The following VAC14 variants were observed in gnomAD, a reference collection of about 807,000 sequenced individuals.
VAC14 encodes the protein protein VAC14 homolog.
In VAC14, 47 loss-of-function variants were observed where a neutral mutation model predicts 85.3. That is an observed-to-expected ratio of 0.55 (90% CI 0.44 to 0.70). VAC14 has a LOEUF of 0.70. Ranked by LOEUF, VAC14 falls within the 30% of genes least tolerant of loss-of-function variation. The probability of loss-of-function intolerance (pLI) is 0.00; values close to 1 mark genes in which losing one functional copy is unlikely to be tolerated. For missense variants in VAC14, 861 were observed against 1,004.3 expected (o/e 0.86, Z 1.93); for synonymous variants, 447 against 430.5 (o/e 1.04, Z -0.47).
intron 13 of VAC14, among the ~76,000 whole-genome samples, chr16:70,739,779 T>C (rs1380403791): frequency 6.6e-6 from 1 of 152,234 alleles, no homozygotes; most frequent in Non-Finnish European, 1.5e-5. Context: ...TCTGGCTTTC[T>C]GCTAGAACTT....
In VAC14 at chr16:70,762,398, G is replaced by C. The variant is rs1003694849; in HGVS notation, c.1371+142C>G. 2 of 869,898 alleles carry C rather than the reference G, an allele frequency of 2.3e-6. No individual in the cohort carries two copies. The highest frequency in any genetic ancestry group is 2.8e-5 in the East Asian group (1 of 35,800). 53.9% of individuals were successfully genotyped at this position (869,898 alleles called of 1,614,324 possible). A position where few individuals can be genotyped will look rare whatever the true frequency, so the allele number is the denominator to read the frequency against. ...GCTGGAAAAACAGGTGTGAGCCACT[G>C]CACCTGGCCCCAAAGTGAGTATTAA... On this transcript the variant is annotated intron_variant, in intron 12 of 18. Coordinates refer to ENST00000261776, the MANE Select transcript of VAC14 (RefSeq NM_018052.5). This position sits in a 1 kb window ranked among gnomAD's most constrained non-coding sequence, Gnocchi z 4.1.
At chr16:70,769,826 C>G (rs1203045576) in intron 10 of VAC14, 2 of 152,282 alleles carry the variant, frequency 1.3e-5, no homozygotes, top group Non-Finnish European at 2.9e-5. Context: ...TCTCCTAGAC[C>G]TCCCCGACCT....
intron 12 of VAC14, among the ~76,000 whole-genome samples, chr16:70,753,011 G>GGT (rs372860764): frequency 0.087 from 12,400 of 142,940 alleles, 839 homozygotes; most frequent in African/African-American, 0.19. Context: ...AGGAGGAGGG[G>GGT]GTGTGTGTGT....
At chr16:70,696,779 G>A (rs924926439) in intron 16 of VAC14, 1 of 286,218 alleles carries the variant, frequency 3.5e-6, no homozygotes, top group African/African-American at 2.2e-5. Flanking sequence ...AATGAGCAGA[G>A]GGCAGCCACC....
chr16:70,797,262 T>G (rs1371409320), intron 1 of VAC14, among the ~76,000 whole-genome samples: 1 of 152,104 alleles, frequency 6.6e-6, no homozygotes. Flanking sequence ...CCAGTGATGA[T>G]CCGGGTAAGT....
chr16:70,722,205 G>C lies in VAC14; in HGVS notation c.1661+9290C>G, dbSNP rs1014146710. Among the ~76,000 whole-genome samples, 5 of 152,334 alleles carry C rather than the reference G, an allele frequency of 3.3e-5. No homozygotes were observed. In the East Asian group the frequency reaches 9.6e-4, roughly 29 times the overall value. ...CACTCAGATCCCAAGAGCCGCTTTG[G>C]TGGCCATCCCCGCCTGGGCTATGAA... On this transcript the variant is annotated intron_variant, in intron 14 of 18. Transcript: ENST00000261776.
intron 14 of VAC14, among the ~76,000 whole-genome samples, chr16:70,730,006 G>A (rs1251264095): frequency 2.0e-5 from 3 of 151,706 alleles, no homozygotes; most frequent in Non-Finnish European, 4.4e-5. Flanking sequence ...CTCTTCCGGG[G>A]CTCCCACCTC....
At chr16:70,742,464 C>A (rs558230074) in intron 13 of VAC14, among the ~76,000 whole-genome samples, 3 of 152,360 alleles carry the variant, frequency 2.0e-5, no homozygotes, top group South Asian at 4.1e-4. Flanking sequence ...CCCCCATGTA[C>A]TGACTTGGGG....
At chr16:70,778,245 G>A (rs921120217) in intron 9 of VAC14, among the ~76,000 whole-genome samples, 4 of 152,304 alleles carry the variant, frequency 2.6e-5, no homozygotes, top group African/African-American at 9.6e-5. Context: ...GGCCTCCCGC[G>A]TGGCAGGCGA....
chr16:70,738,267 C>T (rs188907102), intron 13 of VAC14, among the ~76,000 whole-genome samples: 84 of 152,226 alleles, frequency 5.5e-4, no homozygotes, highest in East Asian at 2.3e-3. Flanking sequence ...TGCACAGCTA[C>T]GTAGACAAAG....
At chr16:70,691,332 C>A in intron 18 of VAC14, 3 of 985,450 alleles carry the variant, frequency 3.0e-6, no homozygotes, top group Non-Finnish European at 3.6e-6. Flanking sequence ...GGGAAGCAGC[C>A]CTTCCTGCCT....
At chr16:70,756,123 G>A (rs954759867) in intron 12 of VAC14, 30 of 456,592 alleles carry the variant, frequency 6.6e-5, no homozygotes, top group Middle Eastern at 3.3e-4. Context: ...ATGGCATGAG[G>A]CTGGAGAAGG....
At chr16:70,735,873 C>T (rs1297080146) in intron 13 of VAC14, among the ~76,000 whole-genome samples, 2 of 152,282 alleles carry the variant, frequency 1.3e-5, no homozygotes, top group Admixed American at 6.5e-5. Context: ...CCCAAAGGGG[C>T]TGTTTGCAGA....
chr16:70,702,568 A>G (rs940768767), intron 14 of VAC14, among the ~76,000 whole-genome samples: 1 of 152,106 alleles, frequency 6.6e-6, no homozygotes, highest in Non-Finnish European at 1.5e-5. Flanking sequence ...TACTGCTGGG[A>G]AGGAGGTGGG....
intron 14 of VAC14, among the ~76,000 whole-genome samples, chr16:70,706,022 A>G (rs1411086776): frequency 6.6e-6 from 1 of 152,112 alleles, no homozygotes; most frequent in Non-Finnish European, 1.5e-5. Context: ...CGGGTTCTTC[A>G]TGCCTCTGCT....
At chr16:70,783,715 C>A (rs1269406239) in intron 5 of VAC14, among the ~76,000 whole-genome samples, 161 bp from the exon 6 acceptor site, 1 of 152,202 alleles carries the variant, frequency 6.6e-6, no homozygotes, top group Non-Finnish European at 1.5e-5. Context: ...CAAGGACAGT[C>A]AGCATTTCTT....
chr16:70,791,965 G>C (rs1168675644), intron 1 of VAC14, among the ~76,000 whole-genome samples: 3 of 152,280 alleles, frequency 2.0e-5, no homozygotes, highest in South Asian at 4.1e-4. Context: ...TTATAGTCCA[G>C]GTTAGCAGGA....
intron 18 of VAC14, chr16:70,692,049 C>G: frequency 1.0e-6 from 1 of 983,824 alleles, no homozygotes; most frequent in Non-Finnish European, 1.2e-6. Context: ...TCCATGGCGA[C>G]CTGACAAGTG....
chr16:70,695,382 G>A (rs1434465305), intron 17 of VAC14, among the ~76,000 whole-genome samples, 162 bp downstream of exon 17: 1 of 152,152 alleles, frequency 6.6e-6, no homozygotes, highest in Non-Finnish European at 1.5e-5. Flanking sequence ...AAAGTGCTGG[G>A]ATTATAAGTC....
Sources: gnomAD v4.1 joint callset for allele counts (sites outside exome capture counted in the v4.1 genomes callset) on GRCh38, gnomAD v4.1.1 for gene constraint, Gnocchi (gnomAD v3.1) non-coding constraint, MANE v1.5 for transcripts, NCBI Gene and HGNC (gene_info 2026-07-23, HGNC 2026-07-21) for gene names.